UST: variants seen among roughly 807,000 people sequenced by gnomAD.
UST encodes uronyl 2-sulfotransferase, also known as chondroitin sulfate 2-O-sulfotransferase.
A neutral mutation model predicts 45.6 loss-of-function variants in UST; 21 were observed. The observed-to-expected ratio is 0.46, with a 90% CI of 0.33 to 0.66. The LOEUF (loss-of-function observed/expected upper bound fraction) is 0.66, where lower values mean the gene tolerates loss of function less well. Among genes scored for constraint, UST ranks in the 30% least tolerant of loss-of-function variants. The probability of loss-of-function intolerance (pLI) is 0.02; values close to 1 mark genes in which losing one functional copy is unlikely to be tolerated. For missense variants in UST, 463 were observed against 512.4 expected, an observed-to-expected ratio of 0.90 and a Z score of 0.93; for synonymous variants, 215 against 200.6, an observed-to-expected ratio of 1.07 and a Z score of -0.61.
chr6:148,982,657 C>T (rs1430540958), intron 5 of UST, among the ~76,000 whole-genome samples: 3 of 152,212 alleles, frequency 2.0e-5, no homozygotes, highest in Non-Finnish European at 2.9e-5. Flanking sequence ...AATTAAGCTA[C>T]ACCAGTTTAC....
intron 7 of UST, among the ~76,000 whole-genome samples, chr6:149,051,587 G>A (rs1275628376): frequency 6.6e-6 from 1 of 152,154 alleles, no homozygotes; most frequent in African/African-American, 2.4e-5. Context: ...AACCTGAATT[G>A]GTTTTGCCTA....
chr6:148,834,618 C>T (rs1256856318), intron 1 of UST, among the ~76,000 whole-genome samples: 1 of 152,010 alleles, frequency 6.6e-6, no homozygotes, highest in African/African-American at 2.4e-5. Flanking sequence ...GCCTGTAGTC[C>T]CAGCTACTCA....
At position 148,814,641 on chromosome 6, in the gene UST, C is replaced by A. The variant is rs1024394528; in HGVS notation, c.247+66964C>A. Among the ~76,000 whole-genome samples the A allele has an allele frequency of 2.0e-5, 3 of 152,242 alleles. No individual in the cohort carries two copies. The South Asian group carries it at 6.2e-4, about 32-fold the overall frequency. On this transcript the variant is annotated intron_variant, in intron 1 of 7. Transcript: ENST00000367463. ...CTTCTGGCTGTACTAGGGGTTGATG[C>A]GGTTCACTGTGGTTGTTTGTAGACC...
intron 3 of UST, among the ~76,000 whole-genome samples, chr6:148,943,189 T>C (rs6936210): frequency 0.36 from 54,565 of 152,096 alleles, 10,190 homozygotes; most frequent in South Asian, 0.46. Flanking sequence ...CTAACTCTTA[T>C]GGCCTGCTTA....
chr6:148,937,796 A>G (rs1376775041), intron 2 of UST, among the ~76,000 whole-genome samples: 5 of 152,078 alleles, frequency 3.3e-5, no homozygotes, highest in Non-Finnish European at 1.5e-5. Flanking sequence ...ACCTATCCCA[A>G]TTGTTGGACA....
At chr6:149,068,047 G>A (rs1776767699) in intron 7 of UST, among the ~76,000 whole-genome samples, 1 of 151,764 alleles carries the variant, frequency 6.6e-6, no homozygotes, top group Admixed American at 6.6e-5. Context: ...TTTTTAATCG[G>A]CCCTTTTCTC....
intron 7 of UST, among the ~76,000 whole-genome samples, chr6:149,060,898 C>G (rs1371125209): frequency 6.6e-6 from 1 of 152,086 alleles, no homozygotes; most frequent in Non-Finnish European, 1.5e-5. Flanking sequence ...TTTTTTTTCG[C>G]TGGTAAACTT....
At chr6:148,855,275 C>T (rs1402288705) in intron 1 of UST, among the ~76,000 whole-genome samples, 1 of 152,180 alleles carries the variant, frequency 6.6e-6, no homozygotes, top group Non-Finnish European at 1.5e-5. Flanking sequence ...GTGCTTCAAA[C>T]AGTCATTGCT....
chr6:148,856,202 G>C (rs993565089), intron 1 of UST, among the ~76,000 whole-genome samples: 2 of 152,100 alleles, frequency 1.3e-5, no homozygotes, highest in African/African-American at 4.8e-5. Flanking sequence ...GTTTTTAGTA[G>C]AGATGGGGTT....
intron 1 of UST, among the ~76,000 whole-genome samples, chr6:148,812,071 C>T (rs145074277): frequency 0.022 from 3,351 of 151,670 alleles, 50 homozygotes; most frequent in Non-Finnish European, 0.033. Context: ...TTTTTTCTTT[C>T]TTTGTATAGT....
intron 5 of UST, among the ~76,000 whole-genome samples, chr6:148,976,636 GT>G (rs1254046142): frequency 6.6e-6 from 1 of 152,116 alleles, no homozygotes; most frequent in African/African-American, 2.4e-5. Flanking sequence ...CATTTCTCTC[GT>G]TATGAGTGAA....
rs957727346 is a variant in UST at position 149,076,957 on chromosome 6, T to G, written c.*2841T>G. On this transcript the variant is annotated 3_prime_UTR_variant, in exon 8 of 8. Transcript: ENST00000367463. The stretch of plus-strand genomic sequence containing the variant: ...AAAAATATATATGGAACTGAAACAT[T>G]AACTTAGCTAAAATAAAAGCAATCT... The G allele has an allele frequency of 1.3e-5, 2 of 152,260 alleles. No individual in the cohort carries two copies. The highest frequency in any genetic ancestry group is 4.8e-5 in the African/African-American group (2 of 41,388). 9.4% of individuals were successfully genotyped at this position (152,260 alleles called of 1,614,324 possible).
intron 3 of UST, among the ~76,000 whole-genome samples, chr6:148,945,023 C>A (rs1780207730): frequency 6.6e-6 from 1 of 152,088 alleles, no homozygotes; most frequent in African/African-American, 2.4e-5. Flanking sequence ...AGGTGTATTA[C>A]AACTATGAGA....
chr6:148,924,278 G>T (rs746248688), intron 2 of UST, among the ~76,000 whole-genome samples: 144 of 152,272 alleles, frequency 9.5e-4, no homozygotes, highest in Admixed American at 2.7e-3. Flanking sequence ...TTCTCTGACA[G>T]CCCCTCGTCC....
At chr6:148,763,606 T>TA (rs763382952) in intron 1 of UST, among the ~76,000 whole-genome samples, 12 of 152,222 alleles carry the variant, frequency 7.9e-5, no homozygotes, top group Admixed American at 2.0e-4. Context: ...TCCTAGGTTT[T>TA]CTTCTAGGAT....
chr6:149,061,036 T>A (rs1776647849), intron 7 of UST, among the ~76,000 whole-genome samples: 1 of 152,012 alleles, frequency 6.6e-6, no homozygotes, highest in Non-Finnish European at 1.5e-5. Context: ...GTGCATACAC[T>A]CGGATCAAGG....
chr6:148,851,693 G>T (rs1778109660), intron 1 of UST, among the ~76,000 whole-genome samples: 1 of 152,194 alleles, frequency 6.6e-6, no homozygotes, highest in Admixed American at 6.5e-5. Flanking sequence ...TTGTGACTGG[G>T]CTTTCCTGTG....
At chr6:148,781,751 C>G (rs1376258776) in intron 1 of UST, among the ~76,000 whole-genome samples, 1 of 152,140 alleles carries the variant, frequency 6.6e-6, no homozygotes, top group Non-Finnish European at 1.5e-5. Flanking sequence ...TAGCTGGTAT[C>G]TTAAAGTTGA....
intron 5 of UST, among the ~76,000 whole-genome samples, chr6:148,993,388 A>T (rs1363401180): frequency 6.6e-6 from 1 of 151,986 alleles, no homozygotes; most frequent in Non-Finnish European, 1.5e-5. Context: ...GAAAAAAAAA[A>T]ATTGTTTTAT....
Sources: gnomAD v4.1 joint callset for allele counts (sites outside exome capture counted in the v4.1 genomes callset) on GRCh38, gnomAD v4.1.1 for gene constraint, MANE v1.5 for transcripts, NCBI Gene and HGNC (gene_info 2026-07-23, HGNC 2026-07-21) for gene names.